TPRG1: variants seen among roughly 807,000 people sequenced by gnomAD.
TPRG1 encodes the protein tumor protein p63 regulated 1, also known as tumor protein p63-regulated gene 1 protein.
A neutral mutation model predicts 29.3 loss-of-function variants in TPRG1; 29 were observed. The ratio of observed to expected loss-of-function variants is 0.99; its 90% confidence interval spans 0.74 to 1.35. TPRG1 has a LOEUF of 1.35. Among genes scored for constraint, TPRG1 ranks in the 40% most tolerant of loss-of-function variants. The probability of loss-of-function intolerance (pLI) is 0.00; values close to 1 mark genes in which losing one functional copy is unlikely to be tolerated. For synonymous variants in TPRG1, 130 were observed against 116.8 expected, an observed-to-expected ratio of 1.11 and a Z score of -0.73; for missense variants, 327 against 335.0, an observed-to-expected ratio of 0.98 and a Z score of 0.19.
At chr3:189,050,259 A>G (rs543855487) in intron 4 of TPRG1, among the ~76,000 whole-genome samples, 1 of 152,332 alleles carries the variant, frequency 6.6e-6, no homozygotes, top group South Asian at 2.1e-4. Context: ...GAGATATTAT[A>G]GCTGACACCA....
At chr3:189,217,820 G>C in intron 3 of TPRG1, 1 of 985,030 alleles carries the variant, frequency 1.0e-6, no homozygotes, top group Non-Finnish European at 1.2e-6. Flanking sequence ...CATTCATGGA[G>C]GATTTAAATG....
intron 4 of TPRG1, among the ~76,000 whole-genome samples, chr3:189,031,969 T>C (rs912542360): frequency 2.6e-5 from 4 of 152,108 alleles, no homozygotes; most frequent in Non-Finnish European, 4.4e-5. Context: ...AGGTATAAAA[T>C]TGACCCAAAG....
chr3:189,179,670 T>C (rs1729955165), intron 1 of TPRG1, among the ~76,000 whole-genome samples: 1 of 152,222 alleles, frequency 6.6e-6, no homozygotes, highest in African/African-American at 2.4e-5. Context: ...TGCTTTCTAC[T>C]CTCCACCTCT....
At chr3:189,255,172 C>T (rs185755262) in intron 4 of TPRG1, among the ~76,000 whole-genome samples, 10 of 152,272 alleles carry the variant, frequency 6.6e-5, no homozygotes, top group African/African-American at 2.2e-4. Context: ...TCATAAATAG[C>T]TCCTCTTATT....
intron 4 of TPRG1, among the ~76,000 whole-genome samples, chr3:189,093,198 A>G (rs1224101393): frequency 2.0e-5 from 3 of 152,196 alleles, no homozygotes; most frequent in Non-Finnish European, 2.9e-5. Flanking sequence ...GAGAGCGTCA[A>G]TAAAGAGACA....
chr3:189,222,613 C>T (rs1485934644), intron 3 of TPRG1, among the ~76,000 whole-genome samples: 1 of 152,140 alleles, frequency 6.6e-6, no homozygotes, highest in African/African-American at 2.4e-5. Context: ...TCACAGGATC[C>T]CCAGTTGATT....
intron 4 of TPRG1, among the ~76,000 whole-genome samples, chr3:189,067,180 A>G (rs1716508808): frequency 6.6e-6 from 1 of 152,210 alleles, no homozygotes; most frequent in South Asian, 2.1e-4. Flanking sequence ...AAAGAATACA[A>G]AAAGTGGAAA....
At chr3:189,287,598 C>G (rs1276395122) in intron 4 of TPRG1, among the ~76,000 whole-genome samples, 1 of 152,004 alleles carries the variant, frequency 6.6e-6, no homozygotes, top group African/African-American at 2.4e-5. Flanking sequence ...GGGGTTTCAC[C>G]CTGTTAGCCA....
intron 1 of TPRG1, among the ~76,000 whole-genome samples, chr3:189,199,432 T>G (rs190041636): frequency 1.3e-5 from 2 of 152,320 alleles, no homozygotes; most frequent in East Asian, 3.9e-4. Context: ...TGAACATTTT[T>G]CCCTCAAATA....
intron 5 of TPRG1, among the ~76,000 whole-genome samples, chr3:189,161,953 A>G (rs73055438): frequency 0.025 from 3,733 of 152,164 alleles, 152 homozygotes; most frequent in African/African-American, 0.084. Flanking sequence ...AACTTTCTCT[A>G]TGTGGGGTGA....
chr3:189,123,260 A>G (rs1196525467), intron 1 of TPRG1, among the ~76,000 whole-genome samples: 2 of 152,216 alleles, frequency 1.3e-5, no homozygotes, highest in East Asian at 3.8e-4. Flanking sequence ...TGCTCAAGAG[A>G]ATATGGAGAA....
chr3:189,263,838 A>G lies in TPRG1; in HGVS notation c.479+24929A>G, dbSNP rs191564241. Among the ~76,000 whole-genome samples, 15 of 152,260 alleles carry G rather than the reference A, an allele frequency of 9.9e-5. No individual in the cohort carries two copies. The East Asian group carries it at 2.5e-3, about 25-fold the overall frequency. ...ATGGCATTTCACTCCAAACTAAGAG[A>G]CGTGTGAAGGTTGCATGACTTCTTG... On this transcript the variant is annotated intron_variant, in intron 4 of 5. Coordinates refer to ENST00000345063, the MANE Select transcript of TPRG1 (RefSeq NM_198485.4).
intron 4 of TPRG1, among the ~76,000 whole-genome samples, chr3:189,029,785 G>A (rs766641458): frequency 6.6e-5 from 10 of 152,078 alleles, no homozygotes; most frequent in South Asian, 2.1e-4. Context: ...AATTCTCACC[G>A]TAGTCATTCC....
In TPRG1 at chr3:189,021,362, G is replaced by C. The variant is rs1394299198; in HGVS notation, c.-659-2388G>C. Among the ~76,000 whole-genome samples the C allele has an allele frequency of 1.1e-4, 17 of 151,944 alleles. 1 individual carries two copies. The highest frequency in any genetic ancestry group is 9.8e-4 in the Admixed American group (15 of 15,250). ...TACATTTTGGCATGATTTTGCAGCG[G>C]CTGGTACCGGTTGTTCGTTTCCATG... On this transcript the variant is annotated intron_variant, in intron 3 of 10. Transcript: ENST00000433971.
chr3:189,191,075 T>A, intron 1 of TPRG1: 1 of 548,936 alleles, frequency 1.8e-6, no homozygotes, highest in Non-Finnish European at 2.3e-6. Context: ...AGTTCACACG[T>A]AAATATACAT....
At chr3:189,122,018 G>T (rs1160664614) in intron 1 of TPRG1, among the ~76,000 whole-genome samples, 1 of 151,818 alleles carries the variant, frequency 6.6e-6, no homozygotes, top group Non-Finnish European at 1.5e-5. Context: ...TGATGGGTTG[G>T]TTCCCTTAGC....
At position 189,217,850 on chromosome 3, in the gene TPRG1, TTTTG is replaced by T. The variant is rs141871926; in HGVS notation, c.302+2480_302+2483del. Reference sequence around the variant, plus strand: ...TAAATGGCCTTTCATATTTAAGCCTTTTTGTTTGTTTGTTTGAAAATTCTAGCAC... The same window carrying T: ...TAAATGGCCTTTCATATTTAAGCCTTTTTGTTTGTTTGAAAATTCTAGCAC... On this transcript the variant is annotated intron_variant, in intron 3 of 5. Coordinates refer to ENST00000345063, the MANE Select transcript of TPRG1 (RefSeq NM_198485.4). The T allele has an allele frequency of 1.3e-3, 1,285 of 985,392 alleles. 13 individuals are homozygous for T. The African/African-American group carries it at 0.02, about 15-fold the overall frequency. The allele number at this position is 985,392 out of a possible 1,614,324, so 61.0% of individuals were successfully genotyped here. A position where few individuals can be genotyped will look rare whatever the true frequency, so the allele number is the denominator to read the frequency against.
chr3:189,208,423 GA>G (rs1395335270), intron 2 of TPRG1, among the ~76,000 whole-genome samples: 5 of 151,690 alleles, frequency 3.3e-5, no homozygotes, highest in East Asian at 1.9e-4. Context: ...GATCTTTTTG[GA>G]AAAAAAATGT....
At chr3:189,087,292 G>A (rs1718014213) in intron 4 of TPRG1, among the ~76,000 whole-genome samples, 1 of 152,208 alleles carries the variant, frequency 6.6e-6, no homozygotes, top group Non-Finnish European at 1.5e-5. Context: ...TCTGTTGGCT[G>A]CATAAATGTC....
Sources: gnomAD v4.1 joint callset for allele counts (sites outside exome capture counted in the v4.1 genomes callset) on GRCh38, gnomAD v4.1.1 for gene constraint, MANE v1.5 for transcripts, NCBI Gene and HGNC (gene_info 2026-07-23, HGNC 2026-07-21) for gene names.